The following KIF26B variants were observed in gnomAD, a reference collection of about 807,000 sequenced individuals.
The protein encoded by KIF26B is kinesin-like protein KIF26B.
A neutral mutation model predicts 151.2 loss-of-function variants in KIF26B; 63 were observed. That is an observed-to-expected ratio of 0.42 (90% CI 0.34 to 0.51). The LOEUF (loss-of-function observed/expected upper bound fraction) is 0.51, where lower values mean the gene tolerates loss of function less well. KIF26B is among the 20% of genes least tolerant of loss of function. The pLI is 0.07. For synonymous variants in KIF26B, 1,357 were observed against 1,262.1 expected (o/e 1.08, Z -1.59); for missense variants, 2,813 against 2,913.6 (o/e 0.97, Z 0.79).
At chr1:245,656,111 C>G (rs1484216207) in intron 10 of KIF26B, among the ~76,000 whole-genome samples, 1 of 97,194 alleles carries the variant, frequency 1.0e-5, no homozygotes, top group Non-Finnish European at 2.3e-5. Flanking sequence ...CAATAAATAC[C>G]AGGAATATAA....
At chr1:245,387,221 G>A (rs1295475000) in intron 3 of KIF26B, among the ~76,000 whole-genome samples, 2 of 149,060 alleles carry the variant, frequency 1.3e-5, no homozygotes, top group East Asian at 3.9e-4. Context: ...CTGGAGTGCA[G>A]TGGCGTGATC....
intron 2 of KIF26B, among the ~76,000 whole-genome samples, chr1:245,243,814 G>A (rs1029743815): frequency 1.3e-5 from 2 of 151,968 alleles, no homozygotes; most frequent in African/African-American, 2.4e-5. Context: ...TCATGCCACT[G>A]CACTCTAGCC....
intron 9 of KIF26B, among the ~76,000 whole-genome samples, chr1:245,617,613 C>T (rs537626982): frequency 2.0e-5 from 3 of 152,170 alleles, no homozygotes; most frequent in Non-Finnish European, 4.4e-5. Context: ...AGGATGTCCA[C>T]ACACTACAGG....
At chr1:245,339,600 G>A (rs1558394781) in intron 2 of KIF26B, among the ~76,000 whole-genome samples, 1 of 152,170 alleles carries the variant, frequency 6.6e-6, no homozygotes, top group Non-Finnish European at 1.5e-5. Context: ...GGAAGTAAGT[G>A]CCATTTTATT....
intron 2 of KIF26B, among the ~76,000 whole-genome samples, chr1:245,279,312 T>TTC (rs2102966979): frequency 6.6e-6 from 1 of 150,978 alleles, no homozygotes; most frequent in African/African-American, 2.4e-5. Context: ...CTTTCTTTTT[T>TTC]TTTTTTTTTT....
chr1:245,156,523 G>A lies in KIF26B; in HGVS notation c.305G>A (p.Gly102Asp), dbSNP rs1314510455. ...IGTSSPGSLG[G>D]SPGFGTGSPG... The stretch of plus-strand genomic sequence containing the variant: ...ACTAGTTCGCCGGGCTCCTTGGGCG[G>A]CTCTCCGGGCTTCGGCACAGGCTCC... Residue 102 changes from glycine (G) to aspartate (D), a missense_variant, in exon 2 of 15, where the codon GGC becomes GAC. Gly to Asp is a moderately conservative substitution (Grantham distance 94). Around this residue, in one of 3 missense-constraint regions of KIF26B, gnomAD observed 676 missense variants for 688.1 expected, o/e 0.98. Coordinates refer to ENST00000407071, the MANE Select transcript of KIF26B (RefSeq NM_018012.4). 1 of 1,533,410 alleles carries A rather than the reference G, an allele frequency of 6.5e-7. No homozygotes were observed. Among genetic ancestry groups the A allele is most frequent in the Non-Finnish European group, 8.7e-7 (1 of 1,144,958 alleles). The allele number at this position is 1,533,410 out of a possible 1,614,324, so 95.0% of individuals were successfully genotyped here. A position where few individuals can be genotyped will look rare whatever the true frequency, so the allele number is the denominator to read the frequency against.
Position 245,597,387 on chromosome 1 carries a change from G to A in KIF26B, c.1351-5190G>A, listed in dbSNP as rs908820826. 3.3e-5 allele frequency among the ~76,000 whole-genome samples: 5 copies of A among 152,170 alleles called. No individual in the cohort carries two copies. Among genetic ancestry groups the A allele is most frequent in the African/African-American group, 9.7e-5 (4 of 41,438 alleles). ...GGGATTTTATTTCTCCTTTGCTTAT[G>A]AAGCTTAGTTTGGCTGGATATGAAA... On this transcript the variant is annotated intron_variant, in intron 5 of 14. Transcript: ENST00000407071. This position sits in a 1 kb window ranked among gnomAD's most constrained non-coding sequence, Gnocchi z 4.6.
chr1:245,541,778 TCCG>T (rs10570149), intron 5 of KIF26B, among the ~76,000 whole-genome samples: 3,902 of 152,278 alleles, frequency 0.026, 176 homozygotes, highest in African/African-American at 0.089. Context: ...TTGCTGAAGC[TCCG>T]GAGCAACTAC....
chr1:245,391,729 G>A (rs562297249), intron 3 of KIF26B, among the ~76,000 whole-genome samples: 1 of 149,898 alleles, frequency 6.7e-6, no homozygotes, highest in African/African-American at 2.4e-5. Flanking sequence ...CTAATTTTTT[G>A]TTTAGAAAAT....
At chr1:245,432,871 C>T (rs563651011) in intron 4 of KIF26B, among the ~76,000 whole-genome samples, 12 of 152,274 alleles carry the variant, frequency 7.9e-5, no homozygotes, top group Non-Finnish European at 1.6e-4. Context: ...GGTTAGAATT[C>T]GGTAAAACCG....
chr1:245,378,088 G>C (rs1290107744), intron 3 of KIF26B, among the ~76,000 whole-genome samples: 2 of 152,216 alleles, frequency 1.3e-5, no homozygotes, highest in East Asian at 3.8e-4. Context: ...CACCACCTGA[G>C]AGTAGATAAA....
At chr1:245,471,129 G>A (rs5003294) in intron 4 of KIF26B, among the ~76,000 whole-genome samples, 14,079 of 144,660 alleles carry the variant, frequency 0.097, 729 homozygotes, top group South Asian at 0.13. Context: ...GTGTGTGTGT[G>A]TGTATATATA....
rs73125101 is a variant in KIF26B at position 245,197,288 on chromosome 1, A to G, written c.465+40605A>G. 3.2e-3 allele frequency among the ~76,000 whole-genome samples: 484 copies of G among 152,266 alleles called. 3 individuals carry two copies. The highest frequency in any genetic ancestry group is 0.011 in the African/African-American group (459 of 41,534). ...GGAGAACAATTATTATTTTTAATGA[A>G]CTGGTGTGTGGCATAGCTTAAACCT... On this transcript the variant is annotated intron_variant, in intron 2 of 14. Coordinates refer to ENST00000407071, the MANE Select transcript of KIF26B (RefSeq NM_018012.4).
At chr1:245,592,979 T>C (rs867662281) in intron 5 of KIF26B, among the ~76,000 whole-genome samples, 4 of 152,282 alleles carry the variant, frequency 2.6e-5, no homozygotes, top group Middle Eastern at 3.4e-3. Context: ...TTTCCTGGCA[T>C]TGGAGTTATG....
At chr1:245,195,875 A>C (rs1362083679) in intron 2 of KIF26B, among the ~76,000 whole-genome samples, 3 of 152,236 alleles carry the variant, frequency 2.0e-5, no homozygotes, top group Non-Finnish European at 4.4e-5. Context: ...GCGACCGGCA[A>C]TCATTTCCTT....
chr1:245,179,150 T>C (rs1668861890), intron 2 of KIF26B, among the ~76,000 whole-genome samples: 1 of 152,160 alleles, frequency 6.6e-6, no homozygotes. Flanking sequence ...TTGGCTCCCA[T>C]TTCCCCCTCT....
intron 2 of KIF26B, among the ~76,000 whole-genome samples, chr1:245,306,459 C>A (rs2102980149): frequency 6.6e-6 from 1 of 152,076 alleles, no homozygotes; most frequent in East Asian, 1.9e-4. Flanking sequence ...GTTGCACAAC[C>A]CTGTAAATAT....
At chr1:245,615,822 G>T (rs950030472) in intron 9 of KIF26B, among the ~76,000 whole-genome samples, 1 of 152,192 alleles carries the variant, frequency 6.6e-6, no homozygotes, top group South Asian at 2.1e-4. Context: ...CGGCCTCCCC[G>T]CCTGGGACTC....
At chr1:245,414,930 AG>A (rs1477012823) in intron 3 of KIF26B, among the ~76,000 whole-genome samples, 10 of 152,214 alleles carry the variant, frequency 6.6e-5, no homozygotes. Context: ...GGTAGAAGGA[AG>A]GGGAAAAAAA....
Sources: gnomAD v4.1 joint callset for allele counts (sites outside exome capture counted in the v4.1 genomes callset) on GRCh38, gnomAD v4.1.1 for gene constraint, gnomAD v4.1.1 regional missense constraint, Gnocchi (gnomAD v3.1) non-coding constraint, MANE v1.5 for transcripts, NCBI Gene and HGNC (gene_info 2026-07-23, HGNC 2026-07-21) for gene names.